Variants in DIP2C observed in about 807,000 individuals in gnomAD.
DIP2C encodes DIP2 acetate--CoA ligase C (putative).
In DIP2C, 33 loss-of-function variants were observed where a neutral mutation model predicts 192.4. The observed-to-expected ratio is 0.17, with a 90% CI of 0.13 to 0.23. DIP2C has a LOEUF of 0.23. Ranked by LOEUF, DIP2C falls within the 10% of genes least tolerant of loss-of-function variation. The probability of loss-of-function intolerance (pLI) is 1.00; values close to 1 mark genes in which losing one functional copy is unlikely to be tolerated. For missense variants in DIP2C, 1,537 were observed against 2,110.1 expected (o/e 0.73, Z 5.32); for synonymous variants, 979 against 864.1 (o/e 1.13, Z -2.33).
chr10:367,418 A>G (rs887573825), intron 18 of DIP2C, among the ~76,000 whole-genome samples: 10 of 134,284 alleles, frequency 7.4e-5, no homozygotes, highest in African/African-American at 2.4e-4. Flanking sequence ...CCGTCTCAGA[A>G]AAAAAAAAAA....
intron 1 of DIP2C, among the ~76,000 whole-genome samples, chr10:617,655 A>ACCCCCCCCCCCCCCCCCCCCCC (rs3049602): frequency 7.6e-6 from 1 of 132,326 alleles, no homozygotes; most frequent in African/African-American, 2.8e-5. Flanking sequence ...TGTGGATACC[A>ACCCCCCCCCCCCCCCCCCCCCC]CCCCCCCACC....
intron 32 of DIP2C, among the ~76,000 whole-genome samples, chr10:305,093 C>T (rs1370690231): frequency 6.6e-6 from 1 of 152,150 alleles, no homozygotes; most frequent in Non-Finnish European, 1.5e-5. Context: ...AGTTGAAACA[C>T]ATGCAGTATT....
intron 1 of DIP2C, among the ~76,000 whole-genome samples, chr10:517,955 T>TAC (rs1846463756): frequency 6.6e-6 from 1 of 152,202 alleles, no homozygotes; most frequent in African/African-American, 2.4e-5. Flanking sequence ...ATGCTATTCC[T>TAC]ACACCTCCAC....
At chr10:621,578 G>A (rs1289614338) in intron 1 of DIP2C, among the ~76,000 whole-genome samples, 3 of 152,142 alleles carry the variant, frequency 2.0e-5, no homozygotes, top group Admixed American at 6.5e-5. Context: ...GGAAGAGGAG[G>A]AGGAGGAAGG....
At chr10:436,648 T>C (rs1037484821) in intron 4 of DIP2C, among the ~76,000 whole-genome samples, 1 of 147,014 alleles carries the variant, frequency 6.8e-6, no homozygotes, top group African/African-American at 2.6e-5. Context: ...GGTGATATAC[T>C]CTGCCCACAC....
intron 17 of DIP2C, among the ~76,000 whole-genome samples, chr10:373,658 T>A (rs1376909824): frequency 6.6e-6 from 1 of 152,144 alleles, no homozygotes; most frequent in African/African-American, 2.4e-5. Flanking sequence ...AAATCCCTCG[T>A]GGCTTGGATA....
chr10:335,763 T>C (rs927889714), intron 29 of DIP2C, among the ~76,000 whole-genome samples: 4 of 152,250 alleles, frequency 2.6e-5, no homozygotes, highest in Non-Finnish European at 5.9e-5. Flanking sequence ...TTTTCCACCA[T>C]GAAGACTCTC....
At chr10:561,440 G>A (rs909235979) in intron 1 of DIP2C, among the ~76,000 whole-genome samples, 1 of 152,054 alleles carries the variant, frequency 6.6e-6, no homozygotes, top group Admixed American at 6.5e-5. Context: ...TGCACCTCCA[G>A]GGCCTCTCAT....
chr10:286,411 C>T, intron 33 of DIP2C, 64 bp from the exon 34 acceptor site: 1 of 1,406,326 alleles, frequency 7.1e-7, no homozygotes, highest in Non-Finnish European at 1.0e-6. Flanking sequence ...ACACACAAGC[C>T]AACCTCAATC....
intron 1 of DIP2C, chr10:668,117 AAC>A (rs1165916350): frequency 6.6e-6 from 1 of 152,198 alleles, no homozygotes; most frequent in Non-Finnish European, 1.5e-5. Flanking sequence ...CAACATGCAC[AAC>A]ACAACATACA....
intron 1 of DIP2C, among the ~76,000 whole-genome samples, chr10:601,478 G>T (rs1588567186): frequency 6.6e-6 from 1 of 152,204 alleles, no homozygotes; most frequent in South Asian, 2.1e-4. Flanking sequence ...TGGTGGGTTG[G>T]CTCACTCAAT....
chr10:574,241 C>T (rs1292644902), intron 1 of DIP2C, among the ~76,000 whole-genome samples: 3 of 152,160 alleles, frequency 2.0e-5, no homozygotes, highest in Non-Finnish European at 4.4e-5. Context: ...GGAAATTGGG[C>T]ATTTCACAAA....
chr10:390,198 G>A (rs973414483), intron 12 of DIP2C, 66 bp downstream of exon 12: 44 of 1,591,184 alleles, frequency 2.8e-5, no homozygotes, highest in African/African-American at 2.1e-4. Context: ...TCGTGTAACC[G>A]TCAGAAACAC....
intron 1 of DIP2C, among the ~76,000 whole-genome samples, chr10:647,869 G>A (rs2131976237): frequency 6.7e-6 from 1 of 148,754 alleles, no homozygotes; most frequent in East Asian, 2.1e-4. Context: ...AGAACAGAGG[G>A]AAACTGAGTC....
Position 337,408 on chromosome 10 carries a change from C to CTG in DIP2C, c.3584+3789_3584+3790dup, listed in dbSNP as rs1296515709. On this transcript the variant is annotated intron_variant, in intron 29 of 36. Transcript: ENST00000280886. The stretch of plus-strand genomic sequence containing the variant: ...GTGTGTGTCGTGGAGGCCTACGTAG[C>CTG]TGTGTGTGTGTGTTGTGGAGGCCTA... Among the ~76,000 whole-genome samples the CTG allele has an allele frequency of 7.1e-3, 793 of 112,062 alleles. 8 individuals are homozygous for CTG. Among genetic ancestry groups the CTG allele is most frequent in the African/African-American group, 0.026 (755 of 28,888 alleles). 73.5% of individuals were successfully genotyped at this position (112,062 alleles called of 152,430 possible). A position where few individuals can be genotyped will look rare whatever the true frequency, so the allele number is the denominator to read the frequency against.
chr10:585,781 G>C (rs1850985990), intron 1 of DIP2C, among the ~76,000 whole-genome samples: 1 of 152,106 alleles, frequency 6.6e-6, no homozygotes, highest in Non-Finnish European at 1.5e-5. Flanking sequence ...GCAGAACAAA[G>C]CTGTCAGATT....
At chr10:358,063 T>A in intron 22 of DIP2C, 126 bp from the exon 23 acceptor site, 1 of 621,364 alleles carries the variant, frequency 1.6e-6, no homozygotes, top group South Asian at 2.1e-5. Context: ...GAATAAACCT[T>A]CTAAGAACAG....
chr10:539,700 A>G (rs377483629), intron 1 of DIP2C, among the ~76,000 whole-genome samples: 3 of 152,242 alleles, frequency 2.0e-5, no homozygotes, highest in East Asian at 1.9e-4. Flanking sequence ...CTTTTTGTCC[A>G]CTGATCTAAC....
intron 1 of DIP2C, among the ~76,000 whole-genome samples, chr10:670,065 G>A (rs1267413499): frequency 6.6e-6 from 1 of 152,114 alleles, no homozygotes; most frequent in African/African-American, 2.4e-5. Flanking sequence ...GAAAGGAAAA[G>A]GCATATCTGT....
Sources: allele counts gnomAD v4.1 joint callset (sites outside exome capture counted in the v4.1 genomes callset), GRCh38; gene constraint gnomAD v4.1.1; transcripts MANE v1.5; gene names NCBI Gene and HGNC (gene_info 2026-07-23, HGNC 2026-07-21).